Variants in TPGS2 observed in about 807,000 individuals in gnomAD.
TPGS2 encodes the protein tubulin polyglutamylase complex subunit 2, also known as polyglutamylase subunit 2.
TPGS2 carries 26 observed loss-of-function variants against 31.1 expected under a neutral mutation model. That is an observed-to-expected ratio of 0.84 (90% CI 0.61 to 1.16). The LOEUF (loss-of-function observed/expected upper bound fraction) is 1.16. Ranked by LOEUF, TPGS2 falls within the 50% of genes most tolerant of loss-of-function variation. TPGS2 has a pLI of 0.00. For missense variants in TPGS2, 351 were observed against 363.8 expected (o/e 0.96, Z 0.29); for synonymous variants, 130 against 136.6 (o/e 0.95, Z 0.34).
chr18:36,827,355 C>T (rs753908084), intron 1 of TPGS2, among the ~76,000 whole-genome samples: 1 of 152,154 alleles, frequency 6.6e-6, no homozygotes, highest in Non-Finnish European at 1.5e-5. Flanking sequence ...GGCGGTTATT[C>T]GAACTATATT....
Position 36,796,538 on chromosome 18 carries a change from A to G in TPGS2, c.*267T>C. ...TAAGGGATTGAGGGTTGAGTGTTGAAGAAGAGGAAAGCACTCAGACTTATT... is the reference window on the plus strand; with the variant it reads ...TAAGGGATTGAGGGTTGAGTGTTGAGGAAGAGGAAAGCACTCAGACTTATT... On this transcript the variant is annotated 3_prime_UTR_variant, in exon 7 of 7. Coordinates refer to ENST00000334295, the MANE Select transcript of TPGS2 (RefSeq NM_015476.4). 3.2e-6 allele frequency: 4 copies of G among 1,261,684 alleles called. No individual in the cohort carries two copies. The highest frequency in any genetic ancestry group is 3.0e-6 in the Non-Finnish European group (3 of 1,006,032). 78.2% of individuals were successfully genotyped at this position (1,261,684 alleles called of 1,614,324 possible). A position where few individuals can be genotyped will look rare whatever the true frequency, so the allele number is the denominator to read the frequency against.
chr18:36,790,712 T>A (rs1010856470), downstream of TPGS2, among the ~76,000 whole-genome samples: 20 of 152,244 alleles, frequency 1.3e-4, no homozygotes, highest in African/African-American at 4.8e-4. Flanking sequence ...GTAGTGACTA[T>A]CTTTTCATAA....
intron 6 of TPGS2, 35 bp downstream of exon 6, chr18:36,798,414 A>C: frequency 6.2e-7 from 1 of 1,613,794 alleles, no homozygotes; most frequent in Non-Finnish European, 8.5e-7. Flanking sequence ...TTTGGAATAT[A>C]CCATAGTTTA....
chr18:36,781,215 C>T (rs77185576), downstream of TPGS2, among the ~76,000 whole-genome samples: 214 of 152,282 alleles, frequency 1.4e-3, no homozygotes, highest in African/African-American at 4.8e-3. Context: ...GTCATACCCT[C>T]CACGGAAGCC....
Position 36,824,092 on chromosome 18 carries a change from G to T in TPGS2, c.85+4591C>A, listed in dbSNP as rs566350325. 8.9e-4 allele frequency among the ~76,000 whole-genome samples: 136 copies of T among 152,170 alleles called. 1 individual carries two copies. Among genetic ancestry groups the T allele is most frequent in the South Asian group, 8.9e-3 (43 of 4,820 alleles). ...AATCTACTTTCAGTTTCTATAGATT[G>T]GTCTCTTCTGGACATTTCATATAAA... On this transcript the variant is annotated intron_variant, in intron 1 of 6. Coordinates refer to ENST00000334295, the MANE Select transcript of TPGS2 (RefSeq NM_015476.4).
chr18:36,809,523 C>A (rs1297214453), intron 2 of TPGS2, among the ~76,000 whole-genome samples: 2 of 152,144 alleles, frequency 1.3e-5, no homozygotes, highest in African/African-American at 2.4e-5. Context: ...GACTCAGACT[C>A]CTTGGACTAA....
chr18:36,822,069 G>C (rs1177546644), intron 1 of TPGS2, among the ~76,000 whole-genome samples: 1 of 152,196 alleles, frequency 6.6e-6, no homozygotes, highest in Non-Finnish European at 1.5e-5. Context: ...GCTGGAAGTT[G>C]TAGTGGTGGC....
At chr18:36,784,329 T>C (rs541478330) in intron 6 of TPGS2, among the ~76,000 whole-genome samples, 1 of 152,362 alleles carries the variant, frequency 6.6e-6, no homozygotes, top group African/African-American at 2.4e-5. Context: ...GTCCTTCCCT[T>C]AGGGCCCTTT....
At chr18:36,803,048 A>G (rs1211852076) in intron 4 of TPGS2, among the ~76,000 whole-genome samples, 1 of 152,170 alleles carries the variant, frequency 6.6e-6, no homozygotes, top group Non-Finnish European at 1.5e-5. Context: ...ACAACACGCT[A>G]TTTTAAGATG....
At chr18:36,790,615 G>GCATTAT (rs1422178160), downstream of TPGS2, among the ~76,000 whole-genome samples, 10 of 152,188 alleles carry the variant, frequency 6.6e-5, no homozygotes, top group Non-Finnish European at 1.3e-4. Context: ...CCAAGACATT[G>GCATTAT]GAACATTGCT....
chr18:36,798,682 TATACTC>T, intron 5 of TPGS2, 73 bp from the exon 6 acceptor site: 1 of 1,537,396 alleles, frequency 6.5e-7, no homozygotes, highest in South Asian at 1.3e-5. Flanking sequence ...TGTAAAAGGT[TATACTC>T]ATGGCCTTAA....
chr18:36,815,106 C>G (rs1035488220), intron 2 of TPGS2, among the ~76,000 whole-genome samples: 1 of 152,184 alleles, frequency 6.6e-6, no homozygotes, highest in African/African-American at 2.4e-5. Flanking sequence ...TCCAAGGAGA[C>G]AGGCCTCTAG....
At position 36,786,665 on chromosome 18, in the gene TPGS2, G is replaced by C. The variant is rs2044137766; in HGVS notation, c.658-3534C>G. 3 of 450,784 alleles carry C rather than the reference G, an allele frequency of 6.7e-6. No homozygotes were observed. In the East Asian group the frequency reaches 1.1e-4, roughly 16 times the overall value. The allele number at this position is 450,784 out of a possible 1,614,324, so 27.9% of individuals were successfully genotyped here. A position where few individuals can be genotyped will look rare whatever the true frequency, so the allele number is the denominator to read the frequency against. ...TCTCTTTTAATATCAATGCTGATCA[G>C]TTGTTGTGTCTAAAACCACAAAAGG... On this transcript the variant is annotated intron_variant, in intron 6 of 6. Coordinates refer to the TPGS2 transcript ENST00000587129.
downstream of TPGS2, among the ~76,000 whole-genome samples, chr18:36,790,676 C>T (rs1279159416): frequency 6.6e-6 from 1 of 152,172 alleles, no homozygotes; most frequent in African/African-American, 2.4e-5. Flanking sequence ...GTGGGCTGAC[C>T]TTAGGTATCC....
At chr18:36,800,489 A>C (rs1487671978) in intron 4 of TPGS2, among the ~76,000 whole-genome samples, 178 bp from the exon 5 acceptor site, 2 of 152,236 alleles carry the variant, frequency 1.3e-5, no homozygotes, top group Non-Finnish European at 2.9e-5. Flanking sequence ...TCATTCATGG[A>C]CTAGGCCTTC....
chr18:36,815,891 A>T (rs1213136878), intron 2 of TPGS2, among the ~76,000 whole-genome samples: 2 of 152,046 alleles, frequency 1.3e-5, no homozygotes, highest in Non-Finnish European at 2.9e-5. Flanking sequence ...TTGTCTCATT[A>T]TGTTGTCCAG....
chr18:36,800,390 G>A (rs938633277), intron 4 of TPGS2, 79 bp from the exon 5 acceptor site: 5 of 1,186,230 alleles, frequency 4.2e-6, no homozygotes, highest in Admixed American at 3.8e-5. Context: ...TTTGCTAGGT[G>A]GAAAAAACAG....
chr18:36,828,756 C>T lies in TPGS2; in HGVS notation c.12G>A (p.Glu4=). The change falls in exon 1 of 7, where the codon GAG becomes GAA. Residue 4 remains glutamate, a synonymous_variant. Coordinates refer to ENST00000334295, the MANE Select transcript of TPGS2 (RefSeq NM_015476.4). ...TGCAGCCCAGCCCCGGGGACGATGC[C>T]TCCTCCTCCATGGCTCGCGACCGCG... MEE[E]ASSPGLGCSK... is the part of the protein sequence containing the mutation. 1.2e-6 allele frequency: 2 copies of T among 1,613,804 alleles called. No individual in the cohort carries two copies. The highest frequency in any genetic ancestry group is 1.7e-6 in the Non-Finnish European group (2 of 1,179,922).
In TPGS2 at chr18:36,794,979, G is replaced by A. The variant is rs1404516136; in HGVS notation, c.*1826C>T. 8.1e-6 allele frequency: 8 copies of A among 985,100 alleles called. No individual in the cohort carries two copies. Among genetic ancestry groups the A allele is most frequent in the African/African-American group, 5.3e-5 (3 of 57,130 alleles). 61.0% of individuals were successfully genotyped at this position (985,100 alleles called of 1,614,324 possible). A position where few individuals can be genotyped will look rare whatever the true frequency, so the allele number is the denominator to read the frequency against. On this transcript the variant is annotated 3_prime_UTR_variant, in exon 7 of 7. Coordinates refer to ENST00000334295, the MANE Select transcript of TPGS2 (RefSeq NM_015476.4). ...AAGCAAATGAAGAAGCTGTTAATACGAAGCTCAGTTTATGCTCCCAAAGAC... is the reference window on the plus strand; with the variant it reads ...AAGCAAATGAAGAAGCTGTTAATACAAAGCTCAGTTTATGCTCCCAAAGAC...
Sources: gnomAD v4.1 joint callset for allele counts (sites outside exome capture counted in the v4.1 genomes callset) on GRCh38, gnomAD v4.1.1 for gene constraint, MANE v1.5 for transcripts, NCBI Gene and HGNC (gene_info 2026-07-23, HGNC 2026-07-21) for gene names.